LGSN: variants seen among roughly 807,000 people sequenced by gnomAD.
The protein encoded by LGSN is lengsin.
LGSN carries 21 observed loss-of-function variants against 19.5 expected under a neutral mutation model. The observed-to-expected ratio is 1.07, with a 90% CI of 0.76 to 1.55. LGSN has a LOEUF of 1.55. LGSN is among the 40% of genes most tolerant of loss of function. The pLI is 0.00. For synonymous variants in LGSN, 257 were observed against 215.6 expected, an observed-to-expected ratio of 1.19 and a Z score of -1.68; for missense variants, 673 against 608.5, an observed-to-expected ratio of 1.11 and a Z score of -1.12.
the LGSN span, among the ~76,000 whole-genome samples, chr6:63,508,181 T>C: frequency 6.6e-6 from 1 of 152,202 alleles, no homozygotes. Context: ...TTTCTAAGAA[T>C]TATATTTTTG....
At chr6:63,454,340 G>A in the LGSN span, among the ~76,000 whole-genome samples, 9 of 152,028 alleles carry the variant, frequency 5.9e-5, no homozygotes, top group African/African-American at 2.2e-4. Flanking sequence ...CATTTCTATG[G>A]ACATCAATAT....
At chr6:63,372,727 T>G in the LGSN span, among the ~76,000 whole-genome samples, 1 of 152,096 alleles carries the variant, frequency 6.6e-6, no homozygotes, top group African/African-American at 2.4e-5. Flanking sequence ...AAATCTTCCA[T>G]CATATGGAAT....
chr6:63,488,474 A>C, the LGSN span, among the ~76,000 whole-genome samples: 3 of 152,106 alleles, frequency 2.0e-5, no homozygotes, highest in Non-Finnish European at 2.9e-5. Context: ...CATTGTCATC[A>C]CTTTTCCTGC....
At chr6:63,536,738 G>GA in the LGSN span, among the ~76,000 whole-genome samples, 1 of 152,002 alleles carries the variant, frequency 6.6e-6, no homozygotes, top group African/African-American at 2.4e-5. Context: ...ATCACTACAA[G>GA]AAAAAGCAGT....
the LGSN span, among the ~76,000 whole-genome samples, chr6:63,501,208 T>C: frequency 6.6e-6 from 1 of 151,876 alleles, no homozygotes; most frequent in Non-Finnish European, 1.5e-5. Context: ...CCCGTCTCTA[T>C]TAAAAATACA....
chr6:63,299,430 T>C (rs1768101491), intron 1 of LGSN, among the ~76,000 whole-genome samples: 1 of 152,176 alleles, frequency 6.6e-6, no homozygotes, highest in Admixed American at 6.5e-5. Context: ...CCCTCCTTGA[T>C]TTGAGCAAAA....
chr6:63,482,846 G>C, the LGSN span, among the ~76,000 whole-genome samples: 2 of 151,986 alleles, frequency 1.3e-5, no homozygotes, highest in African/African-American at 4.8e-5. Context: ...GACTATAGGC[G>C]CGCACCACCA....
intron 2 of LGSN, among the ~76,000 whole-genome samples, chr6:63,294,342 T>A (rs956090689): frequency 6.6e-6 from 1 of 151,706 alleles, no homozygotes; most frequent in Non-Finnish European, 1.5e-5. Context: ...CTCAAAAAAA[T>A]AAATTAATTA....
At chr6:63,408,469 C>T in the LGSN span, among the ~76,000 whole-genome samples, 2 of 144,926 alleles carry the variant, frequency 1.4e-5, no homozygotes, top group African/African-American at 2.7e-5. Flanking sequence ...GGAAAACTGG[C>T]TAGCCATATG....
At chr6:63,427,821 A>C in the LGSN span, among the ~76,000 whole-genome samples, 11 of 152,086 alleles carry the variant, frequency 7.2e-5, no homozygotes, top group African/African-American at 2.7e-4. Flanking sequence ...CTCCCTCAAA[A>C]CTCTGCTCAC....
chr6:63,346,852 G>T, the LGSN span, among the ~76,000 whole-genome samples: 3 of 152,148 alleles, frequency 2.0e-5, no homozygotes, highest in Admixed American at 2.0e-4. Context: ...GCTCGGTCAT[G>T]CCTTCTTGAA....
the LGSN span, among the ~76,000 whole-genome samples, chr6:63,408,066 G>C: frequency 1.3e-5 from 2 of 152,118 alleles, no homozygotes; most frequent in African/African-American, 4.8e-5. Flanking sequence ...CATGCTCATG[G>C]GTAGGAAGAA....
the LGSN span, among the ~76,000 whole-genome samples, chr6:63,494,196 C>T: frequency 2.6e-5 from 4 of 151,966 alleles, no homozygotes; most frequent in Non-Finnish European, 5.9e-5. Flanking sequence ...GTGATCCGCC[C>T]GCCTCAGCCT....
At chr6:63,437,059 GGGGAA>G in the LGSN span, among the ~76,000 whole-genome samples, 1 of 145,166 alleles carries the variant, frequency 6.9e-6, no homozygotes, top group Non-Finnish European at 1.5e-5. Flanking sequence ...AGGGAAGGGA[GGGGAA>G]GGGAAGGGGA....
chr6:63,354,501 G>A, the LGSN span, among the ~76,000 whole-genome samples: 4 of 152,090 alleles, frequency 2.6e-5, no homozygotes, highest in African/African-American at 9.7e-5. Context: ...AACAGATGCT[G>A]GTGAGGATGC....
At chr6:63,374,442 C>G in the LGSN span, among the ~76,000 whole-genome samples, 7 of 152,170 alleles carry the variant, frequency 4.6e-5, no homozygotes, top group African/African-American at 1.7e-4. Context: ...ATCTGACCAG[C>G]AGCAATTCTA....
the LGSN span, among the ~76,000 whole-genome samples, chr6:63,347,350 G>T: frequency 6.6e-6 from 1 of 152,056 alleles, no homozygotes; most frequent in South Asian, 2.1e-4. Context: ...CTTTGAATTT[G>T]CATTAACTAA....
intron 1 of LGSN, among the ~76,000 whole-genome samples, chr6:63,306,938 TA>T (rs1375319056): frequency 6.6e-6 from 1 of 152,130 alleles, no homozygotes; most frequent in Admixed American, 6.5e-5. Context: ...AGTAAAGAAA[TA>T]AACTTTCTCA....
the LGSN span, among the ~76,000 whole-genome samples, chr6:63,330,785 A>AT: frequency 6.6e-6 from 1 of 152,144 alleles, no homozygotes; most frequent in Admixed American, 6.5e-5. Context: ...TCATTCTGTC[A>AT]TTTACTTGAC....
Sources: gnomAD v4.1 joint callset for allele counts (sites outside exome capture counted in the v4.1 genomes callset) on GRCh38, gnomAD v4.1.1 for gene constraint, MANE v1.5 for transcripts, NCBI Gene and HGNC (gene_info 2026-07-23, HGNC 2026-07-21) for gene names.